SPIDR: variants seen among roughly 807,000 people sequenced by gnomAD.
SPIDR encodes DNA repair-scaffolding protein.
In SPIDR, 93 loss-of-function variants were observed where a neutral mutation model predicts 104.6. That is an observed-to-expected ratio of 0.89 (90% CI 0.75 to 1.06). SPIDR has a LOEUF of 1.06. SPIDR is among the 50% of genes least tolerant of loss of function. The pLI is 0.00. For synonymous variants in SPIDR, 431 were observed against 416.9 expected (o/e 1.03, Z -0.41); for missense variants, 1,154 against 1,111.2 (o/e 1.04, Z -0.55).
intron 10 of SPIDR, among the ~76,000 whole-genome samples, chr8:47,660,006 C>T (rs1302784854): frequency 1.3e-5 from 2 of 152,188 alleles, no homozygotes; most frequent in Non-Finnish European, 1.5e-5. Flanking sequence ...GTTTGCTGTG[C>T]TCTCGCTGTC....
At chr8:47,300,559 T>G (rs2041882706) in intron 5 of SPIDR, among the ~76,000 whole-genome samples, 2 of 152,234 alleles carry the variant, frequency 1.3e-5, no homozygotes, top group Non-Finnish European at 1.5e-5. Context: ...ATTTTAGATC[T>G]TTCCTGCTTT....
At chr8:47,317,636 A>G (rs996110608) in intron 5 of SPIDR, among the ~76,000 whole-genome samples, 1 of 152,116 alleles carries the variant, frequency 6.6e-6, no homozygotes, top group African/African-American at 2.4e-5. Flanking sequence ...TGAGAACAGA[A>G]AGACTGCCTC....
chr8:47,536,196 G>C (rs1165203392), intron 8 of SPIDR, among the ~76,000 whole-genome samples: 1 of 152,038 alleles, frequency 6.6e-6, no homozygotes, highest in African/African-American at 2.4e-5. Context: ...AAGACTCAAT[G>C]TTATTAAGAT....
chr8:47,529,979 G>A (rs2085672527), intron 8 of SPIDR, among the ~76,000 whole-genome samples: 1 of 152,154 alleles, frequency 6.6e-6, no homozygotes, highest in African/African-American at 2.4e-5. Context: ...ATGGGGATAT[G>A]TTCTGAGAAA....
intron 7 of SPIDR, among the ~76,000 whole-genome samples, chr8:47,416,760 A>G (rs928370894): frequency 1.3e-5 from 2 of 152,022 alleles, no homozygotes; most frequent in South Asian, 2.1e-4. Context: ...TCCTAATGCT[A>G]TCCCTCCACC....
At chr8:47,452,149 A>G (rs950634989) in intron 8 of SPIDR, among the ~76,000 whole-genome samples, 4 of 152,172 alleles carry the variant, frequency 2.6e-5, no homozygotes, top group African/African-American at 7.2e-5. Context: ...AAAGACAAAG[A>G]TGGTGTATTG....
At chr8:47,633,388 A>T (rs1314587575) in intron 10 of SPIDR, among the ~76,000 whole-genome samples, 1 of 152,096 alleles carries the variant, frequency 6.6e-6, no homozygotes, top group Non-Finnish European at 1.5e-5. Flanking sequence ...GGAAAGGACT[A>T]CAGTCTTCTT....
At chr8:47,437,512 G>C (rs2154342165) in intron 7 of SPIDR, among the ~76,000 whole-genome samples, 1 of 152,018 alleles carries the variant, frequency 6.6e-6, no homozygotes, top group Middle Eastern at 3.4e-3. Context: ...ATTTGGGTTG[G>C]TTCCAAGTCT....
intron 5 of SPIDR, among the ~76,000 whole-genome samples, chr8:47,348,825 T>C (rs782773618): frequency 8.5e-5 from 13 of 152,226 alleles, no homozygotes; most frequent in South Asian, 2.1e-4. Flanking sequence ...TTCTCTGCGC[T>C]ATTTATCCTA....
chr8:47,638,985 G>C (rs772344662), intron 10 of SPIDR, among the ~76,000 whole-genome samples: 4 of 152,202 alleles, frequency 2.6e-5, no homozygotes, highest in Admixed American at 1.3e-4. Flanking sequence ...TCTGTGATCT[G>C]TGATGATGGT....
chr8:47,499,967 T>C (rs1235593491), intron 8 of SPIDR, among the ~76,000 whole-genome samples: 4 of 152,206 alleles, frequency 2.6e-5, no homozygotes, highest in African/African-American at 9.6e-5. Flanking sequence ...ACAAAGGACA[T>C]GAACTCATCC....
At chr8:47,555,587 A>G (rs1451205581) in intron 8 of SPIDR, among the ~76,000 whole-genome samples, 1 of 152,232 alleles carries the variant, frequency 6.6e-6, no homozygotes, top group African/African-American at 2.4e-5. Flanking sequence ...AATGGAACTC[A>G]TGTTCCTTCC....
rs571813937 is a variant in SPIDR, at chr8:47,440,264, C to T, written c.878-59C>T. Reference sequence around the variant, plus strand: ...TCTTTTTTTCATGACACTTTATTCACGCTTGAACCATCTGTCTTTTGATTT... The same window carrying T: ...TCTTTTTTTCATGACACTTTATTCATGCTTGAACCATCTGTCTTTTGATTT... On this transcript the variant is annotated intron_variant, in intron 7 of 19. Coordinates refer to ENST00000297423, the MANE Select transcript of SPIDR (RefSeq NM_001080394.4). The T allele has an allele frequency of 2.3e-5, 34 of 1,462,802 alleles. No individual in the cohort carries two copies. In the East Asian group the frequency reaches 4.3e-4, roughly 19 times the overall value. 90.6% of individuals were successfully genotyped at this position (1,462,802 alleles called of 1,614,324 possible). A position where few individuals can be genotyped will look rare whatever the true frequency, so the allele number is the denominator to read the frequency against.
chr8:47,691,604 C>T (rs2078666158), intron 11 of SPIDR, among the ~76,000 whole-genome samples: 13 of 152,196 alleles, frequency 8.5e-5, no homozygotes, highest in Admixed American at 8.5e-4. Context: ...CACATGGCCA[C>T]AGTTTTATAT....
At chr8:47,424,196 G>T (rs913940242) in intron 7 of SPIDR, among the ~76,000 whole-genome samples, 7 of 152,210 alleles carry the variant, frequency 4.6e-5, no homozygotes, top group Non-Finnish European at 7.3e-5. Flanking sequence ...TGTGAGTGCA[G>T]CAGTGGTTGC....
intron 11 of SPIDR, among the ~76,000 whole-genome samples, chr8:47,695,301 A>C (rs1378715414): frequency 1.3e-5 from 2 of 152,182 alleles, no homozygotes; most frequent in Non-Finnish European, 2.9e-5. Flanking sequence ...TGAGTCCTAC[A>C]GCAGTAACAG....
At chr8:47,720,600 A>G (rs903399697) in intron 16 of SPIDR, among the ~76,000 whole-genome samples, 2 of 152,076 alleles carry the variant, frequency 1.3e-5, no homozygotes, top group African/African-American at 4.8e-5. Context: ...TCATATGGTT[A>G]TTTGTCAACC....
At chr8:47,518,225 C>T (rs772055166) in intron 8 of SPIDR, among the ~76,000 whole-genome samples, 2 of 152,186 alleles carry the variant, frequency 1.3e-5, no homozygotes, top group Admixed American at 6.5e-5. Context: ...GCTAGACATG[C>T]AGGCATCCTA....
At chr8:47,266,046 G>T (rs370943177) in intron 1 of SPIDR, among the ~76,000 whole-genome samples, 31 of 151,636 alleles carry the variant, frequency 2.0e-4, no homozygotes, top group African/African-American at 7.3e-4. Flanking sequence ...CACCATGCCC[G>T]GTCTGAAGTT....
Sources: allele counts gnomAD v4.1 joint callset (sites outside exome capture counted in the v4.1 genomes callset), GRCh38; gene constraint gnomAD v4.1.1; transcripts MANE v1.5; gene names NCBI Gene and HGNC (gene_info 2026-07-23, HGNC 2026-07-21).